Variants in GPD2 observed in about 807,000 individuals in gnomAD.
The protein encoded by GPD2 is glycerol-3-phosphate dehydrogenase, mitochondrial.
Under a neutral mutation model 82.4 loss-of-function variants are expected in GPD2, and 54 were observed. The ratio of observed to expected loss-of-function variants is 0.66; its 90% confidence interval spans 0.53 to 0.82. GPD2 has a LOEUF of 0.82. GPD2 is among the 40% of genes least tolerant of loss of function. The pLI, the probability that GPD2 is intolerant of heterozygous loss-of-function variation, is 0.00. For synonymous variants in GPD2, 288 were observed against 306.1 expected (o/e 0.94, Z 0.62); for missense variants, 748 against 896.2 (o/e 0.83, Z 2.11).
At chr2:156,488,511 C>T (rs1305911609) in intron 2 of GPD2, among the ~76,000 whole-genome samples, 1 of 152,174 alleles carries the variant, frequency 6.6e-6, no homozygotes, top group Admixed American at 6.5e-5. Flanking sequence ...ACAGGACAAC[C>T]TGGTTGTTAA....
At chr2:156,447,214 C>G (rs1444890466) in intron 1 of GPD2, among the ~76,000 whole-genome samples, 2 of 152,230 alleles carry the variant, frequency 1.3e-5, no homozygotes, top group East Asian at 3.9e-4. Flanking sequence ...TACATGCTCT[C>G]TTTCTCCTTT....
chr2:156,525,950 G>A (rs1685590210), intron 6 of GPD2, among the ~76,000 whole-genome samples: 1 of 151,916 alleles, frequency 6.6e-6, no homozygotes, highest in East Asian at 1.9e-4. Context: ...TTAGGATTTT[G>A]GTATGTTCTT....
chr2:156,549,630 G>A lies in GPD2; in HGVS notation c.684G>A (p.Met228Ile). The change falls in exon 7 of 17, where the codon ATG (methionine) becomes ATA (isoleucine). Residue 228 changes from methionine to isoleucine, a missense_variant. Physicochemically the swap from Met to Ile is conservative, Grantham distance 10. Around this residue, in one of 3 missense-constraint regions of GPD2, gnomAD observed 692 missense variants for 809.7 expected, o/e 0.85. Transcript: ENST00000438166. ...CAGGACAACATAACGATGCACGGAT[G>A]AACCTTGCCATTGCTCTGACTGCTG... The part of the protein sequence containing the change: ...YYDGQHNDAR[M>I]NLAIALTAAR... 4 of 1,614,128 alleles carry A rather than the reference G, an allele frequency of 2.5e-6. No homozygotes were observed. The highest frequency in any genetic ancestry group is 3.4e-6 in the Non-Finnish European group (4 of 1,179,958).
intron 1 of GPD2, among the ~76,000 whole-genome samples, chr2:156,452,779 T>A (rs531359632): frequency 2.6e-5 from 4 of 152,128 alleles, no homozygotes; most frequent in Non-Finnish European, 5.9e-5. Flanking sequence ...ATAAAATTTC[T>A]GAAGAGCCAG....
rs138927782 is a variant in GPD2, at chr2:156,446,982, G to A, written c.-9+10469G>A. ...ATTCTTGACTTAGAGGTGGTTATCC[G>A]AAGTTGATGCTTTCCCCCGTACTCT... On this transcript the variant is annotated intron_variant, in intron 1 of 16. Transcript: ENST00000438166. 7.0e-4 allele frequency among the ~76,000 whole-genome samples: 107 copies of A among 152,184 alleles called. 4 individuals are homozygous for A. In the East Asian group the frequency reaches 0.015, roughly 21 times the overall value.
At chr2:156,487,667 G>C (rs1683997970) in intron 2 of GPD2, among the ~76,000 whole-genome samples, 1 of 152,158 alleles carries the variant, frequency 6.6e-6, no homozygotes, top group Non-Finnish European at 1.5e-5. Context: ...CTAATGTTAG[G>C]GGTGTGAGCT....
the GPD2 span, among the ~76,000 whole-genome samples, chr2:156,426,299 T>TA: frequency 9.8e-5 from 15 of 152,320 alleles, no homozygotes; most frequent in African/African-American, 3.4e-4. Context: ...GCAGAAAACT[T>TA]ACAATCACGG....
chr2:156,402,462 G>A, the GPD2 span, among the ~76,000 whole-genome samples: 2 of 152,108 alleles, frequency 1.3e-5, no homozygotes, highest in Admixed American at 6.5e-5. Flanking sequence ...GGAAGAACAA[G>A]GTCAACTCAT....
intron 6 of GPD2, among the ~76,000 whole-genome samples, chr2:156,535,073 A>G (rs1219014222): frequency 1.3e-5 from 2 of 152,052 alleles, no homozygotes; most frequent in African/African-American, 4.8e-5. Flanking sequence ...AGTTGTGTAG[A>G]GCTTGAGTGT....
intron 6 of GPD2, among the ~76,000 whole-genome samples, chr2:156,527,420 C>T (rs1009188891): frequency 6.6e-6 from 1 of 152,070 alleles, no homozygotes; most frequent in African/African-American, 2.4e-5. Flanking sequence ...ATCACACTTA[C>T]ATTAGTAAAA....
intron 2 of GPD2, among the ~76,000 whole-genome samples, chr2:156,485,140 A>C (rs1260188865): frequency 1.3e-5 from 2 of 152,222 alleles, no homozygotes; most frequent in Non-Finnish European, 2.9e-5. Flanking sequence ...TTATGTTTAT[A>C]CTACATTTCT....
At chr2:156,536,742 G>A (rs944675577) in intron 6 of GPD2, among the ~76,000 whole-genome samples, 1 of 152,192 alleles carries the variant, frequency 6.6e-6, no homozygotes, top group Non-Finnish European at 1.5e-5. Flanking sequence ...AGTGGCAGCA[G>A]TCCAAACCAC....
intron 6 of GPD2, among the ~76,000 whole-genome samples, chr2:156,546,957 C>G (rs1157871763): frequency 2.0e-5 from 3 of 152,016 alleles, no homozygotes; most frequent in Admixed American, 2.0e-4. Context: ...CTAAACTTAA[C>G]AGTAATTGGA....
At chr2:156,424,231 T>C in the GPD2 span, among the ~76,000 whole-genome samples, 1 of 151,770 alleles carries the variant, frequency 6.6e-6, no homozygotes, top group Non-Finnish European at 1.5e-5. Flanking sequence ...AAACCTATCA[T>C]AGAATATGAG....
At chr2:156,568,728 G>T in intron 9 of GPD2, 97 bp from the exon 10 acceptor site, 1 of 1,032,910 alleles carries the variant, frequency 9.7e-7, no homozygotes, top group South Asian at 1.3e-5. Flanking sequence ...GCACACATGT[G>T]TATTCCTGTC....
chr2:156,448,588 CCTCT>C (rs375411185), intron 1 of GPD2, among the ~76,000 whole-genome samples: 17 of 152,274 alleles, frequency 1.1e-4, no homozygotes, highest in African/African-American at 4.1e-4. Context: ...TTTGGGAAGG[CCTCT>C]CTGAGGACTT....
Position 156,579,154 on chromosome 2 carries a change from G to T in GPD2, c.1949G>T (p.Arg650Leu), listed in dbSNP as rs754799404. 6.3e-7 allele frequency: 1 copy of T among 1,590,330 alleles called. No homozygotes were observed. Among genetic ancestry groups the T allele is most frequent in the Non-Finnish European group, 8.6e-7 (1 of 1,158,870 alleles). ...KGFITIVDVQRVLESINVQMD... is the reference protein window; with the variant it reads ...KGFITIVDVQLVLESINVQMD... ...TTTATTACCATTGTTGATGTTCAGC[G>T]TGTATTAGAGGTAATTTTCTTTGGT... The change falls in exon 15 of 17, where the codon CGT (arginine) becomes CTT (leucine). Residue 650 changes from arginine to leucine, a missense_variant. This residue lies in a region of GPD2 where 692 missense variants were observed against 809.7 expected (regional missense o/e 0.85). Coordinates refer to ENST00000438166, the MANE Select transcript of GPD2 (RefSeq NM_000408.5).
At chr2:156,538,664 C>CA (rs1225604809) in intron 6 of GPD2, among the ~76,000 whole-genome samples, 2 of 151,240 alleles carry the variant, frequency 1.3e-5, no homozygotes, top group Non-Finnish European at 3.0e-5. Flanking sequence ...ACTAAAAATA[C>CA]AAAAAAATTA....
chr2:156,496,887 C>T (rs1231599209), intron 3 of GPD2, among the ~76,000 whole-genome samples: 1 of 151,984 alleles, frequency 6.6e-6, no homozygotes, highest in Non-Finnish European at 1.5e-5. Flanking sequence ...ATATGGACTG[C>T]AGTTTGCGAA....
Sources: gnomAD v4.1 joint callset for allele counts (sites outside exome capture counted in the v4.1 genomes callset) on GRCh38, gnomAD v4.1.1 for gene constraint, gnomAD v4.1.1 regional missense constraint, MANE v1.5 for transcripts, NCBI Gene and HGNC (gene_info 2026-07-23, HGNC 2026-07-21) for gene names.